NCAM2: variants seen among roughly 807,000 people sequenced by gnomAD.
NCAM2 encodes the protein N-CAM-2.
Under a neutral mutation model 98.1 loss-of-function variants are expected in NCAM2, and 30 were observed. The observed-to-expected ratio is 0.31, with a 90% CI of 0.23 to 0.41. NCAM2 has a LOEUF of 0.41. Among genes scored for constraint, NCAM2 ranks in the 10% least tolerant of loss-of-function variants. NCAM2 has a pLI of 1.00. For missense variants in NCAM2, 867 were observed against 1,005.8 expected, an observed-to-expected ratio of 0.86 and a Z score of 1.87; for synonymous variants, 368 against 342.4, an observed-to-expected ratio of 1.07 and a Z score of -0.83.
In NCAM2 at chr21:21,162,876, T is replaced by A. The variant is rs184756547; in HGVS notation, c.56-117702T>A. Among the ~76,000 whole-genome samples the A allele has an allele frequency of 1.3e-3, 200 of 152,286 alleles. 1 individual carries two copies. Among genetic ancestry groups the A allele is most frequent in the African/African-American group, 4.5e-3 (188 of 41,574 alleles). On this transcript the variant is annotated intron_variant, in intron 1 of 17. Transcript: ENST00000400546. ...GTTATTGGTGAAGAAACCGGATTGA[T>A]GTTTTATCTGTCAAAAGATATCATG...
chr21:21,153,724 G>A (rs913290531), intron 1 of NCAM2, among the ~76,000 whole-genome samples: 9 of 151,696 alleles, frequency 5.9e-5, no homozygotes, highest in Admixed American at 2.0e-4. Context: ...ATATAACTTG[G>A]GTCAAAATGT....
intron 1 of NCAM2, among the ~76,000 whole-genome samples, chr21:21,131,743 T>C (rs1300682821): frequency 2.0e-5 from 3 of 152,190 alleles, no homozygotes; most frequent in Non-Finnish European, 2.9e-5. Context: ...TGTATGAAAA[T>C]TGTATGCTTC....
At chr21:21,455,483 A>T (rs1228451038) in intron 12 of NCAM2, among the ~76,000 whole-genome samples, 2 of 151,982 alleles carry the variant, frequency 1.3e-5, no homozygotes, top group African/African-American at 4.8e-5. Context: ...TGACATGCTC[A>T]TAAGAAAATA....
intron 12 of NCAM2, among the ~76,000 whole-genome samples, chr21:21,446,532 T>A (rs940372367): frequency 6.6e-6 from 1 of 152,038 alleles, no homozygotes; most frequent in African/African-American, 2.4e-5. Context: ...TTCCACATAG[T>A]ATTGGAAGTT....
intron 1 of NCAM2, among the ~76,000 whole-genome samples, chr21:21,258,905 C>G (rs2071778753): frequency 6.6e-6 from 1 of 152,110 alleles, no homozygotes; most frequent in Non-Finnish European, 1.5e-5. Flanking sequence ...GAGAAAAGTA[C>G]AGCTCCATAA....
rs149459070 is a variant in NCAM2 at position 21,194,260 on chromosome 21, G to C, written c.56-86318G>C. Among the ~76,000 whole-genome samples the C allele has an allele frequency of 2.0e-5, 3 of 152,096 alleles. No individual in the cohort carries two copies. In the East Asian group the frequency reaches 5.8e-4, roughly 29 times the overall value. On this transcript the variant is annotated intron_variant, in intron 1 of 17. Coordinates refer to ENST00000400546, the MANE Select transcript of NCAM2 (RefSeq NM_004540.5). ...TTTTCATTTAAGTATATTTTAATTTGCCATGTGGTTATTCATTTCTCTGAT... is the reference window on the plus strand; with the variant it reads ...TTTTCATTTAAGTATATTTTAATTTCCCATGTGGTTATTCATTTCTCTGAT...
chr21:21,417,042 A>C (rs541931377), intron 10 of NCAM2, among the ~76,000 whole-genome samples: 3 of 152,188 alleles, frequency 2.0e-5, no homozygotes, highest in African/African-American at 4.8e-5. Flanking sequence ...AAATGAATTG[A>C]GCTTTTAAGA....
intron 14 of NCAM2, among the ~76,000 whole-genome samples, chr21:21,470,852 G>A (rs1046404517): frequency 1.3e-5 from 2 of 152,012 alleles, no homozygotes; most frequent in South Asian, 4.1e-4. Flanking sequence ...AGGGGACATT[G>A]TTTTAATAGT....
chr21:21,094,597 A>T (rs905688822), intron 1 of NCAM2, among the ~76,000 whole-genome samples: 22 of 151,898 alleles, frequency 1.4e-4, no homozygotes, highest in African/African-American at 5.3e-4. Context: ...TACTGGAGTA[A>T]AGCATTTAAT....
intron 1 of NCAM2, among the ~76,000 whole-genome samples, chr21:21,020,146 C>G (rs1256872362): frequency 1.3e-5 from 2 of 152,142 alleles, no homozygotes; most frequent in East Asian, 3.9e-4. Flanking sequence ...AGTAATTCTC[C>G]TGCCTCAGCC....
At chr21:21,483,049 A>C (rs979933047) in intron 15 of NCAM2, among the ~76,000 whole-genome samples, 24 of 152,026 alleles carry the variant, frequency 1.6e-4, no homozygotes, top group Admixed American at 3.3e-4. Flanking sequence ...AAACTTCTGG[A>C]CTGGATATAA....
chr21:21,271,478 G>A (rs765890074), intron 1 of NCAM2, among the ~76,000 whole-genome samples: 5 of 152,154 alleles, frequency 3.3e-5, no homozygotes, highest in African/African-American at 4.8e-5. Context: ...AAATTATTTT[G>A]TGTAGGGTAA....
At chr21:21,500,095 A>T (rs1315185032) in intron 15 of NCAM2, among the ~76,000 whole-genome samples, 1 of 152,136 alleles carries the variant, frequency 6.6e-6, no homozygotes, top group East Asian at 1.9e-4. Context: ...ACAGGAAACA[A>T]TTTTAAAAGT....
At chr21:21,330,883 CTA>C (rs1410659981) in intron 6 of NCAM2, among the ~76,000 whole-genome samples, 3 of 152,028 alleles carry the variant, frequency 2.0e-5, no homozygotes, top group African/African-American at 7.2e-5. Flanking sequence ...AGTTACGTCA[CTA>C]TGTCTTCAAG....
chr21:21,212,662 G>A (rs1310699453), intron 1 of NCAM2, among the ~76,000 whole-genome samples: 1 of 151,962 alleles, frequency 6.6e-6, no homozygotes, highest in African/African-American at 2.4e-5. Context: ...AATGTTATCA[G>A]TGGAGGAATT....
At chr21:21,219,420 G>A (rs1364435794) in intron 1 of NCAM2, among the ~76,000 whole-genome samples, 1 of 152,150 alleles carries the variant, frequency 6.6e-6, no homozygotes, top group Non-Finnish European at 1.5e-5. Flanking sequence ...GTCAACCATG[G>A]ACTGCGTATA....
chr21:21,392,112 C>G (rs560329804), intron 9 of NCAM2, among the ~76,000 whole-genome samples: 18 of 152,240 alleles, frequency 1.2e-4, no homozygotes, highest in Admixed American at 7.8e-4. Context: ...ACCCTCCACC[C>G]TTTGATAGTT....
intron 1 of NCAM2, among the ~76,000 whole-genome samples, chr21:21,263,284 T>A (rs1358197814): frequency 6.6e-6 from 1 of 151,898 alleles, no homozygotes; most frequent in Non-Finnish European, 1.5e-5. Context: ...TAAAATAAAA[T>A]ACCTAGGAAT....
At chr21:21,009,066 G>A (rs1307170812) in intron 1 of NCAM2, among the ~76,000 whole-genome samples, 1 of 152,126 alleles carries the variant, frequency 6.6e-6, no homozygotes, top group Non-Finnish European at 1.5e-5. Flanking sequence ...CCCATTAAAT[G>A]CAATGTACTT....
Sources: gnomAD v4.1 joint callset for allele counts (sites outside exome capture counted in the v4.1 genomes callset) on GRCh38, gnomAD v4.1.1 for gene constraint, MANE v1.5 for transcripts, NCBI Gene and HGNC (gene_info 2026-07-23, HGNC 2026-07-21) for gene names.